The following SSBP1 variants were observed in gnomAD, a reference collection of about 807,000 sequenced individuals.
SSBP1 encodes the protein single stranded DNA binding protein 1.
Under a neutral mutation model 27.0 loss-of-function variants are expected in SSBP1, and 20 were observed. That is an observed-to-expected ratio of 0.74 (90% confidence interval 0.52 to 1.08). SSBP1 has a LOEUF of 1.08. Ranked by LOEUF, SSBP1 falls within the 50% of genes least tolerant of loss-of-function variation. SSBP1 has a pLI of 0.00. For missense variants in SSBP1, 137 were observed against 182.4 expected (o/e 0.75, Z 1.44); for synonymous variants, 59 against 59.3 (o/e 1.00, Z 0.02).
At chr7:141,744,108 A>T in intron 5 of SSBP1, 119 bp downstream of exon 5, 5 of 821,886 alleles carry the variant, frequency 6.1e-6, no homozygotes, top group Non-Finnish European at 9.3e-6. Flanking sequence ...TGACTGTATT[A>T]ATTTAAGAGG....
At chr7:141,738,909 A>G (rs1427788493) in intron 1 of SSBP1, 2 of 390,584 alleles carry the variant, frequency 5.1e-6, no homozygotes, top group African/African-American at 4.1e-5. Flanking sequence ...GGTTGGAGGA[A>G]GAGGAAGTTA....
chr7:141,739,365 TAAAACAAAAA>T, intron 2 of SSBP1, 175 bp downstream of exon 2: 1 of 442,988 alleles, frequency 2.3e-6, no homozygotes, highest in Non-Finnish European at 4.0e-6. Flanking sequence ...TTATGTTCAC[TAAAACAAAAA>T]AAAAGTTCAG....
chr7:141,747,507 A>G (rs1355741526), intron 6 of SSBP1, among the ~76,000 whole-genome samples: 1 of 148,248 alleles, frequency 6.7e-6, no homozygotes, highest in Non-Finnish European at 1.5e-5. Flanking sequence ...CTCCTGCCTC[A>G]GCCTCCTGAG....
At chr7:141,748,417 C>T (rs1469007415) in intron 6 of SSBP1, among the ~76,000 whole-genome samples, 2 of 152,068 alleles carry the variant, frequency 1.3e-5, no homozygotes, top group African/African-American at 4.8e-5. Context: ...TCCTTTGCTC[C>T]AGAGTTCATG....
chr7:141,749,136 A>C (rs1347211251), intron 6 of SSBP1, among the ~76,000 whole-genome samples: 1 of 152,242 alleles, frequency 6.6e-6, no homozygotes, highest in African/African-American at 2.4e-5. Flanking sequence ...ACAAAAATAC[A>C]AGTGAAACAA....
intron 6 of SSBP1, 98 bp from the exon 7 acceptor site, chr7:141,750,213 A>T: frequency 1.2e-6 from 1 of 854,714 alleles, no homozygotes; most frequent in Non-Finnish European, 1.8e-6. Context: ...AAATCCTTTT[A>T]ATGAACAGCA....
At chr7:141,749,122 A>G (rs1799882942) in intron 6 of SSBP1, among the ~76,000 whole-genome samples, 1 of 152,270 alleles carries the variant, frequency 6.6e-6, no homozygotes, top group African/African-American at 2.4e-5. Flanking sequence ...ATAATACAAC[A>G]ACAACAAAAA....
At chr7:141,743,240 C>G (rs951541159) in intron 3 of SSBP1, among the ~76,000 whole-genome samples, 2 of 152,184 alleles carry the variant, frequency 1.3e-5, no homozygotes, top group Admixed American at 6.5e-5. Flanking sequence ...ATTTATTTCT[C>G]ACAGTTCTAG....
chr7:141,749,323 C>A (rs1003125661), intron 6 of SSBP1, among the ~76,000 whole-genome samples: 2 of 152,140 alleles, frequency 1.3e-5, no homozygotes, highest in African/African-American at 4.8e-5. Context: ...TGGAACCAGT[C>A]CCCCAATGGA....
At chr7:141,743,837 C>T (rs2117177865) in intron 4 of SSBP1, 65 bp from the exon 5 acceptor site, 1 of 1,560,494 alleles carries the variant, frequency 6.4e-7, no homozygotes, top group Non-Finnish European at 8.7e-7. Flanking sequence ...GAAATCGTGA[C>T]ATTGGTTTTC....
At chr7:141,742,115 G>T in intron 2 of SSBP1, 54 bp from the exon 3 acceptor site, 1 of 1,326,412 alleles carries the variant, frequency 7.5e-7, no homozygotes, top group Non-Finnish European at 1.1e-6. Context: ...TCTTCTGTTT[G>T]CATTTGCCTT....
intron 3 of SSBP1, 42 bp from the exon 4 acceptor site, chr7:141,743,519 C>T: frequency 6.2e-7 from 1 of 1,609,618 alleles, no homozygotes; most frequent in African/African-American, 1.3e-5. Flanking sequence ...ACTATTCAGT[C>T]TATAGCAGGT....
At chr7:141,739,073 C>T (rs1456963474) in intron 1 of SSBP1, 51 bp from the exon 2 acceptor site, 3 of 1,127,502 alleles carry the variant, frequency 2.7e-6, no homozygotes, top group Admixed American at 2.4e-5. Flanking sequence ...GTGAGTTGTA[C>T]TTTTGCCATA....
In SSBP1 at chr7:141,750,302, T is replaced by A; in HGVS notation, c.404-9T>A. ...TGAAATTAATATTTACATTTTGGCTTTTTTACAGATAATATTATATTTCTG... is the reference window on the plus strand; with the variant it reads ...TGAAATTAATATTTACATTTTGGCTATTTTACAGATAATATTATATTTCTG... On this transcript the variant is annotated splice_polypyrimidine_tract_variant and intron_variant, in intron 6 of 6. Transcript: ENST00000265304. The A allele has an allele frequency of 6.3e-7, 1 of 1,588,708 alleles. No individual in the cohort carries two copies.
At chr7:141,746,044 A>G in intron 6 of SSBP1, 1 of 902,592 alleles carries the variant, frequency 1.1e-6, no homozygotes, top group South Asian at 5.1e-5. Context: ...TTTTTGAGCC[A>G]GAATCTCACT....
intron 3 of SSBP1, among the ~76,000 whole-genome samples, chr7:141,743,099 C>G (rs531400896): frequency 6.6e-6 from 1 of 152,162 alleles, no homozygotes; most frequent in Admixed American, 6.5e-5. Flanking sequence ...GTGATCCGCC[C>G]GCCTTGGCCT....
rs374265811 is a variant in SSBP1, at chr7:141,739,130, C to T, written c.-37C>T. ...TTTTGTTTTTTTCCTTCAGGAAAAG[C>T]CTAAAGATTAGACTGTAAGAAAAGA... On this transcript the variant is annotated 5_prime_UTR_variant, in exon 2 of 7. Transcript: ENST00000265304. 14 of 1,563,488 alleles carry T rather than the reference C, an allele frequency of 9.0e-6. No individual in the cohort carries two copies. The highest frequency in any genetic ancestry group is 1.8e-4 in the Middle Eastern group (1 of 5,604).
chr7:141,747,506 C>T (rs1215165683), intron 6 of SSBP1, among the ~76,000 whole-genome samples: 4 of 150,674 alleles, frequency 2.7e-5, no homozygotes, highest in African/African-American at 9.7e-5. Flanking sequence ...TCTCCTGCCT[C>T]AGCCTCCTGA....
At position 141,743,933 on chromosome 7, in the gene SSBP1, A is replaced by G. The variant is rs1372882285; in HGVS notation, c.258A>G (p.Arg86=). The change falls in exon 5 of 7, where the codon AGA becomes AGG. Residue 86 remains arginine (R), a synonymous_variant. Coordinates refer to ENST00000265304, the MANE Select transcript of SSBP1 (RefSeq NM_003143.3). The part of the protein sequence containing the change: ...GDVSQKTTWH[R]ISVFRPGLRD... The stretch of plus-strand genomic sequence containing the variant: ...TCAGTCAAAAGACAACATGGCACAG[A>G]ATATCAGTATTCCGGCCAGGCCTCA... 4.3e-6 allele frequency: 7 copies of G among 1,612,734 alleles called. No individual in the cohort carries two copies. Among genetic ancestry groups the G allele is most frequent in the Non-Finnish European group, 4.2e-6 (5 of 1,179,956 alleles).
Sources: gnomAD v4.1 joint callset for allele counts (sites outside exome capture counted in the v4.1 genomes callset) on GRCh38, gnomAD v4.1.1 for gene constraint, MANE v1.5 for transcripts, NCBI Gene and HGNC (gene_info 2026-07-23, HGNC 2026-07-21) for gene names.